NEDD9: variants seen among roughly 807,000 people sequenced by gnomAD.
NEDD9 encodes neural precursor cell expressed, developmentally down-regulated 9, also known as enhancer of filamentation 1.
Under a neutral mutation model 76.6 loss-of-function variants are expected in NEDD9, and 26 were observed. The observed-to-expected ratio is 0.34, with a 90% CI of 0.25 to 0.47. The LOEUF is 0.47. Among genes scored for constraint, NEDD9 ranks in the 20% least tolerant of loss-of-function variants. The pLI, the probability that NEDD9 is intolerant of heterozygous loss-of-function variation, is 1.00. For synonymous variants in NEDD9, 392 were observed against 414.2 expected (o/e 0.95, Z 0.65); for missense variants, 937 against 1,058.5 (o/e 0.89, Z 1.59).
In NEDD9 at chr6:11,260,012, G is replaced by T. The variant is rs34563078; in HGVS notation, c.12+45980C>A. Among the ~76,000 whole-genome samples the T allele has an allele frequency of 6.1e-3, 923 of 151,208 alleles. 12 individuals are homozygous for T. The highest frequency in any genetic ancestry group is 9.6e-3 in the Non-Finnish European group (651 of 67,882). ...GATCCTTCTCCATCTGCTAGTCTCA[G>T]TGTCAGAAATCGTACCATTAGGGAT... is the stretch of plus-strand genomic sequence containing the variant. On this transcript the variant is annotated intron_variant, in intron 3 of 3. Coordinates refer to the NEDD9 transcript ENST00000397378.
chr6:11,278,397 G>C (rs998153505), intron 3 of NEDD9, among the ~76,000 whole-genome samples: 23 of 152,102 alleles, frequency 1.5e-4, no homozygotes, highest in Admixed American at 1.0e-3. Flanking sequence ...TGTTCAAAAA[G>C]GTTAAGATAC....
At chr6:11,235,265 A>G (rs556845840), upstream of NEDD9, among the ~76,000 whole-genome samples, 99 of 152,156 alleles carry the variant, frequency 6.5e-4, no homozygotes, top group African/African-American at 2.1e-3. This position sits in a 1 kb window ranked among gnomAD's most constrained non-coding sequence, Gnocchi z 4.1. Flanking sequence ...TTATTTAATT[A>G]TTGTATTAAT....
intron 1 of NEDD9, among the ~76,000 whole-genome samples, chr6:11,339,566 C>T (rs969598714): frequency 6.6e-6 from 1 of 152,232 alleles, no homozygotes; most frequent in Non-Finnish European, 1.5e-5. Context: ...CATCCTGCCC[C>T]ACCAGATCAT....
chr6:11,354,521 A>C (rs1346011555), intron 1 of NEDD9, among the ~76,000 whole-genome samples: 2 of 152,188 alleles, frequency 1.3e-5, no homozygotes, highest in African/African-American at 4.8e-5. Flanking sequence ...CAGAGTGGGG[A>C]TAGAGGAAGA....
chr6:11,238,935 G>A (rs560982507), intron 3 of NEDD9, among the ~76,000 whole-genome samples: 24 of 152,270 alleles, frequency 1.6e-4, no homozygotes, highest in Admixed American at 1.5e-3. Flanking sequence ...CAAGGCAGGA[G>A]GATTGCTTGA....
chr6:11,298,340 T>C (rs1024273092), intron 3 of NEDD9, among the ~76,000 whole-genome samples: 1 of 152,080 alleles, frequency 6.6e-6, no homozygotes, highest in Non-Finnish European at 1.5e-5. Context: ...AGTTTAATAA[T>C]GGGGGAAAAA....
rs1561776113 is a variant in NEDD9 at position 11,185,242 on chromosome 6, C to T, written c.2425G>A (p.Glu809Lys). 1 of 1,614,118 alleles carries T rather than the reference C, an allele frequency of 6.2e-7. No homozygotes were observed. The highest frequency in any genetic ancestry group is 1.6e-4 in the Middle Eastern group (1 of 6,062). The change falls in exon 7 of 7, where the codon GAA becomes AAA. Residue 809 changes from glutamate (E) to lysine (K), a missense_variant. By Grantham distance (56) the Glu-to-Lys change is moderately conservative (BLOSUM62 1). Coordinates refer to ENST00000379446, the MANE Select transcript of NEDD9 (RefSeq NM_006403.4). ...LHYPSTTALQ[E>K]MVHQVTDLSR... ...AGGTCTGTCACTTGGTGCACCATTT[C>T]CTGCAGGGCCGTGGTGCTGGGGTAA...
In NEDD9 at chr6:11,190,879, T is replaced by C; in HGVS notation, c.990A>G (p.Ala330=). ...GGGGGTTTGCTTTCTCACTGGTTTC[T>C]GCTGGTGGCTCAAGAAACTGAACGC... ...PRGVQFLEPP[A]ETSEKANPQE... Residue 330 remains alanine, a synonymous_variant, in exon 5 of 7, where the codon GCA becomes GCG. Coordinates refer to ENST00000379446, the MANE Select transcript of NEDD9 (RefSeq NM_006403.4). The surrounding 1 kb of genome is among the most constrained non-coding windows in gnomAD (Gnocchi z 5.8). The C allele has an allele frequency of 6.2e-7, 1 of 1,614,166 alleles. No individual in the cohort carries two copies. The highest frequency in any genetic ancestry group is 1.3e-5 in the African/African-American group (1 of 75,038).
chr6:11,199,576 A>G (rs1758377044), intron 2 of NEDD9: 1 of 147,800 alleles, frequency 6.8e-6, no homozygotes. Context: ...TGGACTAGGT[A>G]ATTGAGATTA....
chr6:11,302,849 AT>A (rs1373058844), intron 3 of NEDD9, among the ~76,000 whole-genome samples: 1 of 152,238 alleles, frequency 6.6e-6, no homozygotes, highest in Non-Finnish European at 1.5e-5. Flanking sequence ...TAAAATAGGT[AT>A]TGGTGGAACG....
chr6:11,222,128 T>C (rs1759161863), intron 1 of NEDD9, among the ~76,000 whole-genome samples: 1 of 152,242 alleles, frequency 6.6e-6, no homozygotes, highest in African/African-American at 2.4e-5. Flanking sequence ...AAGAGGTTCC[T>C]ATTTTTCCAT....
In NEDD9 at chr6:11,185,448, C is replaced by G; in HGVS notation, c.2219G>C (p.Arg740Pro). 6.2e-7 allele frequency: 1 copy of G among 1,614,190 alleles called. No individual in the cohort carries two copies. Among genetic ancestry groups the G allele is most frequent in the Non-Finnish European group, 8.5e-7 (1 of 1,180,026 alleles). The change falls in exon 7 of 7, where the codon CGA becomes CCA. Residue 740 changes from arginine to proline, a missense_variant. Transcript: ENST00000379446. Reference protein sequence around the residue: ...FSCVSSAQPPRIFVAHSKFVI... With the variant: ...FSCVSSAQPPPIFVAHSKFVI... ...AAACTTGCTGTGTGCCACGAAGATTCGCGGGGGCTGGGCTGAGCTGACACA... is the reference window on the plus strand; with the variant it reads ...AAACTTGCTGTGTGCCACGAAGATTGGCGGGGGCTGGGCTGAGCTGACACA...
chr6:11,291,948 C>T (rs1760784886), intron 3 of NEDD9, among the ~76,000 whole-genome samples: 1 of 152,140 alleles, frequency 6.6e-6, no homozygotes, highest in Admixed American at 6.5e-5. Context: ...ACAGGGTCAC[C>T]TTTGAGTTCT....
intron 2 of NEDD9, among the ~76,000 whole-genome samples, chr6:11,326,659 G>C (rs1761935633): frequency 6.6e-6 from 1 of 152,146 alleles, no homozygotes. Flanking sequence ...AAATTCACCA[G>C]CTTCCCTCTG....
chr6:11,233,065 T>C (rs1759528957), upstream of NEDD9, among the ~76,000 whole-genome samples: 2 of 152,012 alleles, frequency 1.3e-5, no homozygotes, highest in South Asian at 2.1e-4. Flanking sequence ...CACCTCACAA[T>C]CTCTACATGA....
intron 1 of NEDD9, among the ~76,000 whole-genome samples, chr6:11,358,736 C>T (rs1762627508): frequency 6.6e-6 from 1 of 152,094 alleles, no homozygotes; most frequent in African/African-American, 2.4e-5. Context: ...CCTGGTTTTA[C>T]AAAATACATG....
intron 1 of NEDD9, among the ~76,000 whole-genome samples, chr6:11,231,250 A>G (rs1759461146): frequency 6.6e-6 from 1 of 152,256 alleles, no homozygotes; most frequent in Non-Finnish European, 1.5e-5. Flanking sequence ...GATAATAGAA[A>G]GCTGATGAAA....
chr6:11,279,771 C>A (rs777851585), intron 3 of NEDD9, among the ~76,000 whole-genome samples: 1 of 152,156 alleles, frequency 6.6e-6, no homozygotes, highest in African/African-American at 2.4e-5. Context: ...TGCAAACAAA[C>A]AGCTCTCATC....
upstream of NEDD9, chr6:11,233,569 A>C (rs1759542788): frequency 3.9e-6 from 2 of 514,638 alleles, no homozygotes; most frequent in Middle Eastern, 6.4e-4. Flanking sequence ...CCATTAACCC[A>C]CCAACACTTA....
Sources: allele counts gnomAD v4.1 joint callset (sites outside exome capture counted in the v4.1 genomes callset), GRCh38; gene constraint gnomAD v4.1.1; non-coding constraint Gnocchi (gnomAD v3.1); transcripts MANE v1.5; gene names NCBI Gene and HGNC (gene_info 2026-07-23, HGNC 2026-07-21).